Variants in SPATA16 observed in about 807,000 individuals in gnomAD.
The protein encoded by SPATA16 is spermatogenesis-associated protein 16.
Under a neutral mutation model 63.3 loss-of-function variants are expected in SPATA16, and 36 were observed. The observed-to-expected ratio is 0.57, with a 90% CI of 0.44 to 0.75. The LOEUF is 0.75. Among genes scored for constraint, SPATA16 ranks in the 30% least tolerant of loss-of-function variants. SPATA16 has a pLI of 0.00. For synonymous variants in SPATA16, 203 were observed against 216.7 expected, an observed-to-expected ratio of 0.94 and a Z score of 0.56; for missense variants, 646 against 679.3, an observed-to-expected ratio of 0.95 and a Z score of 0.54.
intron 2 of SPATA16, among the ~76,000 whole-genome samples, chr3:173,092,329 G>A (rs190133744): frequency 1.3e-5 from 2 of 152,294 alleles, no homozygotes; most frequent in Admixed American, 6.5e-5. Context: ...TTCTGCATTA[G>A]CCAGAGGCTG....
chr3:173,072,065 AT>A (rs1736688450), intron 2 of SPATA16, among the ~76,000 whole-genome samples: 1 of 152,232 alleles, frequency 6.6e-6, no homozygotes, highest in Non-Finnish European at 1.5e-5. Flanking sequence ...ATTACTGGAT[AT>A]GTATCCAAAA....
intron 4 of SPATA16, among the ~76,000 whole-genome samples, chr3:172,978,039 ATTC>A (rs1228102469): frequency 4.6e-5 from 7 of 152,020 alleles, no homozygotes; most frequent in Non-Finnish European, 1.0e-4. Context: ...AAATGTTTAG[ATTC>A]TTCTTCAGGA....
chr3:173,100,660 GCACACACACA>G (rs3980195), intron 2 of SPATA16, among the ~76,000 whole-genome samples: 15,607 of 134,094 alleles, frequency 0.12, 1,021 homozygotes, highest in East Asian at 0.23. Context: ...CACATAAACA[GCACACACACA>G]CACACACACA....
intron 6 of SPATA16, among the ~76,000 whole-genome samples, chr3:172,926,593 C>T (rs1732743311): frequency 6.6e-6 from 1 of 152,204 alleles, no homozygotes; most frequent in South Asian, 2.1e-4. Context: ...CCAGACACCA[C>T]AGGCACAGCC....
At chr3:173,034,234 T>C (rs1410993839) in intron 3 of SPATA16, among the ~76,000 whole-genome samples, 2 of 152,174 alleles carry the variant, frequency 1.3e-5, no homozygotes, top group Non-Finnish European at 2.9e-5. Context: ...CATTCTATTA[T>C]TTTTTATGCT....
rs372317726 is a variant in SPATA16 at position 173,093,076 on chromosome 3, C to CACAT, written c.612+24043_612+24044insATGT. 3.2e-3 allele frequency among the ~76,000 whole-genome samples: 467 copies of CACAT among 143,996 alleles called. 6 individuals are homozygous for CACAT. The highest frequency in any genetic ancestry group is 8.0e-3 in the African/African-American group (308 of 38,732). The allele number at this position is 143,996 out of a possible 152,430, so 94.5% of individuals were successfully genotyped here. ...ACACACACACACACACACACACACA[C>CACAT]ATATATATATATATGTTTCAAGTTA... is the stretch of plus-strand genomic sequence containing the variant. On this transcript the variant is annotated intron_variant, in intron 2 of 10. Transcript: ENST00000351008.
At position 172,971,094 on chromosome 3, in the gene SPATA16, A is replaced by G. The variant is rs578120257; in HGVS notation, c.933+5874T>C. Among the ~76,000 whole-genome samples the G allele has an allele frequency of 5.9e-5, 9 of 152,286 alleles. No homozygotes were observed. In the East Asian group the frequency reaches 1.7e-3, roughly 29 times the overall value. On this transcript the variant is annotated intron_variant, in intron 5 of 10. Coordinates refer to ENST00000351008, the MANE Select transcript of SPATA16 (RefSeq NM_031955.6). Reference sequence around the variant, plus strand: ...TTCACTTGCTGCTCCCTTGATTGTCATGTTTGAAAGAAGCAGTTAGGAGGC... The same window carrying G: ...TTCACTTGCTGCTCCCTTGATTGTCGTGTTTGAAAGAAGCAGTTAGGAGGC...
intron 6 of SPATA16, among the ~76,000 whole-genome samples, chr3:172,942,498 C>T (rs6788671): frequency 0.19 from 28,208 of 150,240 alleles, 2,779 homozygotes; most frequent in Middle Eastern, 0.29. Flanking sequence ...CAATAACATA[C>T]AATTAATAAT....
At chr3:173,049,684 G>C (rs906987723) in intron 2 of SPATA16, among the ~76,000 whole-genome samples, 35 of 152,212 alleles carry the variant, frequency 2.3e-4, no homozygotes, top group African/African-American at 8.2e-4. Flanking sequence ...GAATTTATTG[G>C]CAGAGGACAC....
chr3:172,898,405 A>G (rs1350769577), intron 10 of SPATA16, among the ~76,000 whole-genome samples: 1 of 151,978 alleles, frequency 6.6e-6, no homozygotes, highest in Non-Finnish European at 1.5e-5. Context: ...ATGAATAGTT[A>G]TAGGGTTAAT....
At chr3:172,932,025 C>T (rs1260639318) in intron 6 of SPATA16, among the ~76,000 whole-genome samples, 1 of 152,120 alleles carries the variant, frequency 6.6e-6, no homozygotes, top group Non-Finnish European at 1.5e-5. Context: ...TCTGCAAAAA[C>T]ATGAAATATA....
chr3:173,119,347 G>A (rs2108338705), intron 1 of SPATA16, among the ~76,000 whole-genome samples: 1 of 152,238 alleles, frequency 6.6e-6, no homozygotes, highest in Non-Finnish European at 1.5e-5. Context: ...AAAGCATCCT[G>A]AACTGTGACC....
At chr3:172,979,002 C>T (rs1266357247) in intron 4 of SPATA16, among the ~76,000 whole-genome samples, 3 of 152,166 alleles carry the variant, frequency 2.0e-5, no homozygotes, top group African/African-American at 7.2e-5. Context: ...CTTTGGGAGG[C>T]CGAGGTCGGC....
chr3:173,043,725 T>C (rs1198666752), intron 3 of SPATA16, among the ~76,000 whole-genome samples: 1 of 152,036 alleles, frequency 6.6e-6, no homozygotes, highest in African/African-American at 2.4e-5. Context: ...TGCCATTTCT[T>C]ACAAGTTTCA....
rs758393334 is a variant in SPATA16, at chr3:173,048,957, A to G, written c.750T>C (p.His250=). The part of the protein sequence containing the change: ...RMRKPDLALN[H]AHRSIVLNPA... Reference sequence around the variant, plus strand: ...TTAGTATATGATTTTACCTGTGTGCATGATTCAGGGCAAGATCTGGTTTCC... The same window carrying G: ...TTAGTATATGATTTTACCTGTGTGCGTGATTCAGGGCAAGATCTGGTTTCC... The change falls in exon 3 of 11, where the codon CAT becomes CAC. Residue 250 remains histidine, a synonymous_variant. Coordinates refer to ENST00000351008, the MANE Select transcript of SPATA16 (RefSeq NM_031955.6). 3.3e-5 allele frequency: 54 copies of G among 1,613,654 alleles called. No individual in the cohort carries two copies. The highest frequency in any genetic ancestry group is 1.6e-4 in the Middle Eastern group (1 of 6,084).
intron 2 of SPATA16, among the ~76,000 whole-genome samples, chr3:173,101,753 T>C (rs151173130): frequency 6.6e-6 from 1 of 152,266 alleles, no homozygotes; most frequent in African/African-American, 2.4e-5. Flanking sequence ...TCAAAACCTA[T>C]ACTCTAGATC....
rs143666946 is a variant in SPATA16, at chr3:172,902,757, A to G, written c.1587+10904T>C. On this transcript the variant is annotated intron_variant, in intron 10 of 10. Coordinates refer to ENST00000351008, the MANE Select transcript of SPATA16 (RefSeq NM_031955.6). Reference sequence around the variant, plus strand: ...AGAAAGTCATTTCGGTAGAGTACACATTAGTTTAATTCAATTTTGATGATG... The same window carrying G: ...AGAAAGTCATTTCGGTAGAGTACACGTTAGTTTAATTCAATTTTGATGATG... Among the ~76,000 whole-genome samples the G allele has an allele frequency of 8.5e-5, 13 of 152,290 alleles. No homozygotes were observed. In the East Asian group the frequency reaches 2.5e-3, roughly 29 times the overall value.
intron 6 of SPATA16, among the ~76,000 whole-genome samples, chr3:172,955,259 TCTC>T (rs1385653029): frequency 3.3e-5 from 5 of 152,156 alleles, no homozygotes; most frequent in Non-Finnish European, 5.9e-5. Context: ...AAACTGGTGA[TCTC>T]CTCAATGAAT....
chr3:173,116,434 T>C (rs1737902708), intron 2 of SPATA16, among the ~76,000 whole-genome samples: 1 of 152,218 alleles, frequency 6.6e-6, no homozygotes, highest in East Asian at 1.9e-4. Flanking sequence ...CAGTATGTCA[T>C]GAGCTAGTAT....
Sources: allele counts gnomAD v4.1 joint callset (sites outside exome capture counted in the v4.1 genomes callset), GRCh38; gene constraint gnomAD v4.1.1; transcripts MANE v1.5; gene names NCBI Gene and HGNC (gene_info 2026-07-23, HGNC 2026-07-21).